EPHA5: variants seen among roughly 807,000 people sequenced by gnomAD.
EPHA5 encodes the protein EPH receptor A5.
Under a neutral mutation model 105.0 loss-of-function variants are expected in EPHA5, and 60 were observed. That is an observed-to-expected ratio of 0.57 (90% CI 0.46 to 0.71). EPHA5 has a LOEUF of 0.71. Among genes scored for constraint, EPHA5 ranks in the 30% least tolerant of loss-of-function variants. EPHA5 has a pLI of 0.00. For synonymous variants in EPHA5, 513 were observed against 449.1 expected, an observed-to-expected ratio of 1.14 and a Z score of -1.80; for missense variants, 1,218 against 1,274.7, an observed-to-expected ratio of 0.96 and a Z score of 0.68.
chr4:65,654,934 T>G (rs1300482551), intron 1 of EPHA5, among the ~76,000 whole-genome samples: 2 of 148,304 alleles, frequency 1.3e-5, no homozygotes, highest in African/African-American at 4.9e-5. Flanking sequence ...TATATAAGCT[T>G]TGATATATGT....
chr4:65,468,541 A>T (rs1197868077), intron 5 of EPHA5, among the ~76,000 whole-genome samples: 1 of 106,758 alleles, frequency 9.4e-6, no homozygotes, highest in East Asian at 2.6e-4. Flanking sequence ...ACCTTTATAT[A>T]TATATATAAT....
At position 65,353,025 on chromosome 4, in the gene EPHA5, T is replaced by C; in HGVS notation, c.2235+17A>G. ...ATAAATAACACCTTGAATAACTAAA[T>C]TATTCCCCAATCCTACCTTCAAAAA... On this transcript the variant is annotated intron_variant, in intron 12 of 16. Coordinates refer to ENST00000613740, the MANE Select transcript of EPHA5 (RefSeq NM_001281766.3). 1.3e-6 allele frequency: 2 copies of C among 1,490,548 alleles called. No homozygotes were observed. Among genetic ancestry groups the C allele is most frequent in the Non-Finnish European group, 1.8e-6 (2 of 1,098,092 alleles). 92.3% of individuals were successfully genotyped at this position (1,490,548 alleles called of 1,614,324 possible). A position where few individuals can be genotyped will look rare whatever the true frequency, so the allele number is the denominator to read the frequency against.
intron 5 of EPHA5, among the ~76,000 whole-genome samples, chr4:65,439,298 T>C (rs1458109435): frequency 6.6e-6 from 1 of 152,154 alleles, no homozygotes; most frequent in African/African-American, 2.4e-5. Flanking sequence ...ATTTAACACT[T>C]TGGTACTGCT....
At chr4:65,508,459 C>G (rs1306312311) in intron 3 of EPHA5, among the ~76,000 whole-genome samples, 1 of 152,068 alleles carries the variant, frequency 6.6e-6, no homozygotes, top group Non-Finnish European at 1.5e-5. Flanking sequence ...ATGAATATCT[C>G]TCCTTGTACT....
chr4:65,614,952 C>A (rs905304603), intron 2 of EPHA5, among the ~76,000 whole-genome samples: 2 of 151,704 alleles, frequency 1.3e-5, no homozygotes, highest in African/African-American at 2.4e-5. Flanking sequence ...TATAAATCAT[C>A]ATACAAGAGT....
At chr4:65,392,285 T>C (rs1403610058) in intron 8 of EPHA5, among the ~76,000 whole-genome samples, 1 of 152,146 alleles carries the variant, frequency 6.6e-6, no homozygotes, top group Non-Finnish European at 1.5e-5. Context: ...TCTGGATTTT[T>C]TCCAGTTTTA....
chr4:65,563,521 G>A (rs920304283), intron 3 of EPHA5, among the ~76,000 whole-genome samples: 6 of 152,062 alleles, frequency 3.9e-5, no homozygotes, highest in Admixed American at 3.9e-4. Context: ...AGGAAGTAGA[G>A]TGGAGTTAGA....
At chr4:65,570,774 T>C (rs1201519434) in intron 3 of EPHA5, among the ~76,000 whole-genome samples, 1 of 152,020 alleles carries the variant, frequency 6.6e-6, no homozygotes, top group Non-Finnish European at 1.5e-5. Context: ...TGATTTTTAC[T>C]GTCAGTCTGT....
intron 5 of EPHA5, among the ~76,000 whole-genome samples, chr4:65,477,569 C>T (rs368313244): frequency 2.6e-5 from 4 of 151,938 alleles, no homozygotes; most frequent in Non-Finnish European, 5.9e-5. Context: ...TGCACCACCA[C>T]GCTCAGGTAA....
At chr4:65,582,995 T>G (rs1741782803) in intron 3 of EPHA5, among the ~76,000 whole-genome samples, 1 of 151,630 alleles carries the variant, frequency 6.6e-6, no homozygotes, top group Non-Finnish European at 1.5e-5. Context: ...TGAGACAAGA[T>G]TTTTTTGTTT....
At chr4:65,559,056 A>T (rs1738751742) in intron 3 of EPHA5, among the ~76,000 whole-genome samples, 1 of 152,140 alleles carries the variant, frequency 6.6e-6, no homozygotes, top group South Asian at 2.1e-4. Flanking sequence ...CTAAAATAAA[A>T]GTTGAAATTA....
chr4:65,436,260 AT>A (rs1560534569), intron 5 of EPHA5, among the ~76,000 whole-genome samples: 2 of 151,974 alleles, frequency 1.3e-5, no homozygotes, highest in African/African-American at 4.8e-5. Flanking sequence ...GATGATTTGT[AT>A]TCTTAAGACA....
In EPHA5 at chr4:65,669,929, G is replaced by A; in HGVS notation, c.-187C>T. ...CTGAGACAGCTGAAGTTTGCTTCTG[G>A]CTCCTCTCGCCTCCCCCTTTGGTGG... On this transcript the variant is annotated 5_prime_UTR_variant, in exon 1 of 17. Transcript: ENST00000613740. 1 of 877,258 alleles carries A rather than the reference G, an allele frequency of 1.1e-6. No homozygotes were observed. Among genetic ancestry groups the A allele is most frequent in the Non-Finnish European group, 1.5e-6 (1 of 664,756 alleles). 54.3% of individuals were successfully genotyped at this position (877,258 alleles called of 1,614,324 possible). A position where few individuals can be genotyped will look rare whatever the true frequency, so the allele number is the denominator to read the frequency against.
intron 3 of EPHA5, among the ~76,000 whole-genome samples, chr4:65,500,144 A>G (rs1732332280): frequency 2.0e-5 from 3 of 151,524 alleles, no homozygotes; most frequent in Admixed American, 2.0e-4. Context: ...ATTTATTTAA[A>G]TACCAATCCA....
At chr4:65,472,438 C>T (rs1281287919) in intron 5 of EPHA5, among the ~76,000 whole-genome samples, 1 of 152,204 alleles carries the variant, frequency 6.6e-6, no homozygotes, top group African/African-American at 2.4e-5. Context: ...TCCGACCCCA[C>T]ATTTCCCTTC....
At chr4:65,371,450 C>T (rs1269835394) in intron 8 of EPHA5, among the ~76,000 whole-genome samples, 1 of 152,012 alleles carries the variant, frequency 6.6e-6, no homozygotes, top group Admixed American at 6.6e-5. Context: ...ATTTCTGATA[C>T]TATTAATGCT....
At chr4:65,534,237 CTT>C (rs1331186224) in intron 3 of EPHA5, among the ~76,000 whole-genome samples, 9 of 152,008 alleles carry the variant, frequency 5.9e-5, no homozygotes, top group Non-Finnish European at 1.2e-4. Context: ...TTTATTTACA[CTT>C]ATAAACTTTT....
intron 7 of EPHA5, among the ~76,000 whole-genome samples, chr4:65,414,013 A>C (rs1025172355): frequency 2.0e-5 from 3 of 152,208 alleles, no homozygotes; most frequent in African/African-American, 7.2e-5. Context: ...AGTAGAAAGA[A>C]AGTCTTTAAA....
At chr4:65,606,611 T>G (rs563252222) in intron 2 of EPHA5, among the ~76,000 whole-genome samples, 1 of 152,312 alleles carries the variant, frequency 6.6e-6, no homozygotes, top group African/African-American at 2.4e-5. Context: ...CCTATTAACC[T>G]GTTGAATGAT....
Sources: allele counts gnomAD v4.1 joint callset (sites outside exome capture counted in the v4.1 genomes callset), GRCh38; gene constraint gnomAD v4.1.1; transcripts MANE v1.5; gene names NCBI Gene and HGNC (gene_info 2026-07-23, HGNC 2026-07-21).